NBAS: variants seen among roughly 807,000 people sequenced by gnomAD.
NBAS encodes NBAS subunit of NRZ tethering complex.
Under a neutral mutation model 302.5 loss-of-function variants are expected in NBAS, and 219 were observed. That is an observed-to-expected ratio of 0.72 (90% CI 0.65 to 0.81). NBAS has a LOEUF of 0.81. Ranked by LOEUF, NBAS falls within the 30% of genes least tolerant of loss-of-function variation. The probability of loss-of-function intolerance (pLI) is 0.00; values close to 1 mark genes in which losing one functional copy is unlikely to be tolerated. For synonymous variants in NBAS, 1,118 were observed against 1,021.6 expected (o/e 1.09, Z -1.80); for missense variants, 2,932 against 2,841.6 (o/e 1.03, Z -0.72).
chr2:15,098,660 T>A, the NBAS span, among the ~76,000 whole-genome samples: 2 of 126,408 alleles, frequency 1.6e-5, no homozygotes, highest in East Asian at 4.1e-4. Flanking sequence ...ATATAATATA[T>A]TATATACATT....
At chr2:15,542,261 CTT>C (rs1335594316) in intron 6 of NBAS, among the ~76,000 whole-genome samples, 2 of 92,230 alleles carry the variant, frequency 2.2e-5, no homozygotes, top group Non-Finnish European at 4.9e-5. Flanking sequence ...ACATGGGAGA[CTT>C]TTCATTTTGT....
At chr2:14,888,589 A>T in the NBAS span, among the ~76,000 whole-genome samples, 1 of 151,996 alleles carries the variant, frequency 6.6e-6, no homozygotes, top group African/African-American at 2.4e-5. Flanking sequence ...GTATTATACT[A>T]TTTTTTTAAT....
chr2:15,360,133 A>G (rs1673828813), intron 32 of NBAS, among the ~76,000 whole-genome samples: 1 of 152,152 alleles, frequency 6.6e-6, no homozygotes, highest in Admixed American at 6.5e-5. Context: ...TAGGACATTT[A>G]CCATGGATGG....
At chr2:14,868,620 G>C in the NBAS span, among the ~76,000 whole-genome samples, 1 of 152,270 alleles carries the variant, frequency 6.6e-6, no homozygotes, top group Middle Eastern at 3.4e-3. Context: ...CCAAGACTCA[G>C]AACCTTTCTG....
chr2:15,529,125 CACAT>C (rs1398213845), intron 9 of NBAS, among the ~76,000 whole-genome samples: 1 of 151,944 alleles, frequency 6.6e-6, no homozygotes, highest in African/African-American at 2.4e-5. Context: ...TGTAACTGAA[CACAT>C]ACGCTTTTTA....
At chr2:15,429,989 T>C (rs1406034253) in intron 21 of NBAS, among the ~76,000 whole-genome samples, 1 of 152,154 alleles carries the variant, frequency 6.6e-6, no homozygotes, top group Admixed American at 6.5e-5. Context: ...ATTACAGCAA[T>C]GAATTGAGGA....
At chr2:14,887,233 A>G in the NBAS span, among the ~76,000 whole-genome samples, 1 of 151,962 alleles carries the variant, frequency 6.6e-6, no homozygotes, top group East Asian at 1.9e-4. Flanking sequence ...GTGCAATCCC[A>G]TCTCTACTAA....
the NBAS span, among the ~76,000 whole-genome samples, chr2:14,836,825 G>A: frequency 2.6e-5 from 4 of 151,770 alleles, no homozygotes; most frequent in African/African-American, 9.7e-5. Flanking sequence ...TGGACATGGA[G>A]TATTTTTCCA....
the NBAS span, among the ~76,000 whole-genome samples, chr2:15,120,660 G>C: frequency 6.6e-6 from 1 of 152,148 alleles, no homozygotes; most frequent in Admixed American, 6.5e-5. Flanking sequence ...TTCTCTTTTG[G>C]CATTCTGCCC....
At chr2:15,040,064 AAGGCTGCCCCTGC>A in the NBAS span, among the ~76,000 whole-genome samples, 1 of 152,178 alleles carries the variant, frequency 6.6e-6, no homozygotes, top group Non-Finnish European at 1.5e-5. Context: ...TGGAATCGAG[AAGGCTGCCCCTGC>A]AGCCCAACCC....
chr2:15,328,472 A>G (rs1672178763), intron 36 of NBAS, among the ~76,000 whole-genome samples, 160 bp from the exon 37 acceptor site: 1 of 152,174 alleles, frequency 6.6e-6, no homozygotes, highest in Non-Finnish European at 1.5e-5. Flanking sequence ...CTAAAAAGAG[A>G]GCCAGAGTCA....
chr2:15,410,461 GC>G (rs947485001), intron 25 of NBAS, among the ~76,000 whole-genome samples: 6 of 150,890 alleles, frequency 4.0e-5, no homozygotes, highest in African/African-American at 1.2e-4. Context: ...AAGTGTTAGG[GC>G]AAAAAAAAAA....
the NBAS span, among the ~76,000 whole-genome samples, chr2:14,984,139 T>C: frequency 1.3e-5 from 2 of 152,138 alleles, no homozygotes; most frequent in African/African-American, 2.4e-5. Flanking sequence ...GCTGACACCA[T>C]AGTCAGCCAT....
the NBAS span, among the ~76,000 whole-genome samples, chr2:14,942,804 G>A: frequency 1.3e-5 from 2 of 152,194 alleles, no homozygotes; most frequent in Non-Finnish European, 2.9e-5. Flanking sequence ...ACTCATCACA[G>A]CTGAGTCTCA....
chr2:15,118,488 C>G, the NBAS span, among the ~76,000 whole-genome samples: 1 of 152,144 alleles, frequency 6.6e-6, no homozygotes, highest in Non-Finnish European at 1.5e-5. Flanking sequence ...TCTGAGCTGC[C>G]CTGTGACTTG....
chr2:15,362,594 A>T (rs1485400632), intron 32 of NBAS, among the ~76,000 whole-genome samples: 1 of 152,238 alleles, frequency 6.6e-6, no homozygotes, highest in Non-Finnish European at 1.5e-5. Context: ...ATTTAGTAAC[A>T]GTAACATATA....
At chr2:15,343,500 A>G (rs1274077357) in intron 35 of NBAS, among the ~76,000 whole-genome samples, 1 of 152,170 alleles carries the variant, frequency 6.6e-6, no homozygotes. Context: ...TAAAACTTCA[A>G]AATAATTCAT....
At chr2:14,957,961 G>C in the NBAS span, among the ~76,000 whole-genome samples, 34 of 152,278 alleles carry the variant, frequency 2.2e-4, no homozygotes, top group Non-Finnish European at 4.0e-4. Flanking sequence ...CCCACAGTGG[G>C]CTGATTCTGG....
intron 11 of NBAS, among the ~76,000 whole-genome samples, chr2:15,500,507 C>CAT (rs1175580129): frequency 6.9e-6 from 1 of 144,178 alleles, no homozygotes; most frequent in Non-Finnish European, 1.5e-5. Context: ...AAGTCTCACA[C>CAT]ACACACACAC....
Sources: gnomAD v4.1 joint callset for allele counts (sites outside exome capture counted in the v4.1 genomes callset) on GRCh38, gnomAD v4.1.1 for gene constraint, MANE v1.5 for transcripts, NCBI Gene and HGNC (gene_info 2026-07-23, HGNC 2026-07-21) for gene names.